The following KLF12 variants were observed in gnomAD, a reference collection of about 807,000 sequenced individuals.
KLF12 encodes Krueppel-like factor 12.
KLF12 carries 9 observed loss-of-function variants against 37.8 expected under a neutral mutation model. The observed-to-expected ratio is 0.24, with a 90% CI of 0.14 to 0.42. KLF12 has a LOEUF of 0.42. Among genes scored for constraint, KLF12 ranks in the 10% least tolerant of loss-of-function variants. KLF12 has a pLI of 1.00. For missense variants in KLF12, 411 were observed against 516.0 expected (o/e 0.80, Z 1.97); for synonymous variants, 208 against 202.1 (o/e 1.03, Z -0.25).
the KLF12 span, among the ~76,000 whole-genome samples, chr13:74,199,745 A>G: frequency 2.0e-5 from 3 of 152,188 alleles, no homozygotes; most frequent in African/African-American, 7.2e-5. Flanking sequence ...AAGTTCTCCA[A>G]GTCATGGGAA....
the KLF12 span, among the ~76,000 whole-genome samples, chr13:74,240,070 A>G: frequency 6.6e-6 from 1 of 152,106 alleles, no homozygotes; most frequent in Non-Finnish European, 1.5e-5. Flanking sequence ...ACGATTTTGC[A>G]GCGGCTGGTA....
the KLF12 span, among the ~76,000 whole-genome samples, chr13:74,237,262 C>T: frequency 0.054 from 7,128 of 132,704 alleles, 480 homozygotes; most frequent in Middle Eastern, 0.092. Context: ...AGATATGCGG[C>T]GTTATTTCTG....
chr13:73,958,518 C>T (rs1467695136), intron 2 of KLF12, among the ~76,000 whole-genome samples: 1 of 152,174 alleles, frequency 6.6e-6, no homozygotes, highest in Non-Finnish European at 1.5e-5. Context: ...GCTGGAATTA[C>T]AGGCGTGAGC....
At chr13:74,155,316 G>GTT in the KLF12 span, among the ~76,000 whole-genome samples, 1 of 151,810 alleles carries the variant, frequency 6.6e-6, no homozygotes, top group African/African-American at 2.4e-5. Flanking sequence ...AATTAAGTCA[G>GTT]TTATATATAG....
chr13:74,228,540 T>A, the KLF12 span, among the ~76,000 whole-genome samples: 2 of 152,128 alleles, frequency 1.3e-5, no homozygotes, highest in African/African-American at 4.8e-5. Flanking sequence ...AAATGTTAAG[T>A]CCCCTTTTCA....
At chr13:74,146,388 G>A in the KLF12 span, among the ~76,000 whole-genome samples, 1 of 152,030 alleles carries the variant, frequency 6.6e-6, no homozygotes, top group African/African-American at 2.4e-5. Flanking sequence ...AAAACAATAT[G>A]ATTTTATTAC....
intron 3 of KLF12, among the ~76,000 whole-genome samples, chr13:73,865,055 T>C (rs1449725583): frequency 6.6e-6 from 1 of 152,076 alleles, no homozygotes; most frequent in Non-Finnish European, 1.5e-5. Flanking sequence ...TCAAGGCCCC[T>C]TCCACTAAAC....
Position 73,695,566 on chromosome 13 carries a change from T to C in KLF12, c.1133A>G (p.Lys378Arg). Residue 378 changes from lysine to arginine, a missense_variant, in exon 8 of 8, where the codon AAG (lysine) becomes AGG (arginine). By Grantham distance (26) the Lys-to-Arg change is conservative (BLOSUM62 2). This residue lies in a region of KLF12 where 60 missense variants were observed against 118.2 expected (regional missense o/e 0.51). Transcript: ENST00000377669. Reference sequence around the variant, plus strand: ...AAAGCTGCGATCACAGTCCGCGCACTTGAATGGCTTCACTCCCGTATGTTT... The same window carrying C: ...AAAGCTGCGATCACAGTCCGCGCACCTGAATGGCTTCACTCCCGTATGTTT... The C allele has an allele frequency of 1.9e-6, 3 of 1,614,142 alleles. No individual in the cohort carries two copies. The highest frequency in any genetic ancestry group is 2.5e-6 in the Non-Finnish European group (3 of 1,179,978).
intron 4 of KLF12, among the ~76,000 whole-genome samples, chr13:73,839,998 G>A (rs148358188): frequency 3.5e-3 from 539 of 151,878 alleles, no homozygotes; most frequent in Non-Finnish European, 5.7e-3. Flanking sequence ...AAGAACTATC[G>A]AGACTTTCAG....
At chr13:74,001,447 G>C (rs1029512846) in intron 1 of KLF12, among the ~76,000 whole-genome samples, 2 of 152,174 alleles carry the variant, frequency 1.3e-5, no homozygotes, top group East Asian at 3.8e-4. Context: ...ACTTCAACAG[G>C]TGTTGTTGGA....
the KLF12 span, among the ~76,000 whole-genome samples, chr13:74,183,804 G>A: frequency 6.6e-6 from 1 of 152,078 alleles, no homozygotes; most frequent in South Asian, 2.1e-4. Context: ...GGGCATGGTG[G>A]CACATGCCTG....
intron 3 of KLF12, among the ~76,000 whole-genome samples, chr13:73,860,489 C>G (rs2138797945): frequency 6.6e-6 from 1 of 152,224 alleles, no homozygotes; most frequent in Admixed American, 6.5e-5. Context: ...AATCACAGCA[C>G]TTTAGGAGGC....
At chr13:74,300,681 AT>A in the KLF12 span, among the ~76,000 whole-genome samples, 1 of 152,154 alleles carries the variant, frequency 6.6e-6, no homozygotes, top group Non-Finnish European at 1.5e-5. Flanking sequence ...TATAAAATTC[AT>A]CCTTGCAGTT....
the KLF12 span, among the ~76,000 whole-genome samples, chr13:74,159,285 A>G: frequency 1.3e-5 from 2 of 152,212 alleles, no homozygotes; most frequent in Non-Finnish European, 2.9e-5. Context: ...CACATGAATG[A>G]GTGCCATCTT....
intron 1 of KLF12, among the ~76,000 whole-genome samples, chr13:74,060,702 T>C (rs139967320): frequency 5.9e-5 from 9 of 152,302 alleles, no homozygotes; most frequent in African/African-American, 1.7e-4. Flanking sequence ...TATAAGATCA[T>C]GCCATCAGTG....
intron 3 of KLF12, among the ~76,000 whole-genome samples, chr13:73,941,388 CTA>C (rs1335886093): frequency 1.3e-5 from 2 of 152,116 alleles, no homozygotes; most frequent in East Asian, 3.9e-4. Context: ...AAGCAAAACT[CTA>C]TGTCGTAAAA....
intron 2 of KLF12, among the ~76,000 whole-genome samples, chr13:73,982,442 C>T (rs535560033): frequency 2.6e-4 from 40 of 151,264 alleles, no homozygotes; most frequent in African/African-American, 8.5e-4. Flanking sequence ...GAAAGGTAAA[C>T]GTACACTTAG....
chr13:74,072,387 ATATATATATATATAT>A (rs1874313742), intron 1 of KLF12, among the ~76,000 whole-genome samples: 2 of 130,874 alleles, frequency 1.5e-5, no homozygotes, highest in African/African-American at 5.4e-5. Context: ...ATATATATAT[ATATATATATATATAT>A]ATATAAAAGA....
the KLF12 span, among the ~76,000 whole-genome samples, chr13:74,197,559 A>G: frequency 6.6e-6 from 1 of 152,136 alleles, no homozygotes; most frequent in African/African-American, 2.4e-5. Flanking sequence ...CTAACTTTAT[A>G]CTAGTGATAC....
Sources: allele counts gnomAD v4.1 joint callset (sites outside exome capture counted in the v4.1 genomes callset), GRCh38; gene constraint gnomAD v4.1.1; regional missense constraint gnomAD v4.1.1; transcripts MANE v1.5; gene names NCBI Gene and HGNC (gene_info 2026-07-23, HGNC 2026-07-21).